Variants in ARSG observed in about 807,000 individuals in gnomAD.
ARSG encodes arylsulfatase G.
A neutral mutation model predicts 50.5 loss-of-function variants in ARSG; 37 were observed. That is an observed-to-expected ratio of 0.73 (90% CI 0.56 to 0.96). ARSG has a LOEUF of 0.96. Ranked by LOEUF, ARSG falls within the 50% of genes least tolerant of loss-of-function variation. The pLI, the probability that ARSG is intolerant of heterozygous loss-of-function variation, is 0.00. For missense variants in ARSG, 629 were observed against 675.3 expected (o/e 0.93, Z 0.76); for synonymous variants, 225 against 254.6 (o/e 0.88, Z 1.11).
chr17:68,288,767 A>G (rs1568421224), upstream of ARSG, among the ~76,000 whole-genome samples: 1 of 152,308 alleles, frequency 6.6e-6, no homozygotes, highest in East Asian at 1.9e-4. Flanking sequence ...GTCTTCTTAA[A>G]GCTCTTAGGC....
chr17:68,305,840 A>C (rs552730323), intron 1 of ARSG, among the ~76,000 whole-genome samples: 1 of 152,012 alleles, frequency 6.6e-6, no homozygotes, highest in Non-Finnish European at 1.5e-5. Context: ...TAAGGAGGCC[A>C]AGGCGGGCAG....
chr17:68,320,654 G>T (rs1210251668), intron 2 of ARSG, among the ~76,000 whole-genome samples: 3 of 152,154 alleles, frequency 2.0e-5, no homozygotes, highest in Non-Finnish European at 2.9e-5. Context: ...ATGTTTACAG[G>T]ATTGGACATG....
chr17:68,267,866 C>A (rs1207688013), intron 1 of ARSG: 3 of 152,154 alleles, frequency 2.0e-5, no homozygotes, highest in African/African-American at 7.2e-5. Context: ...ACTTGTAACT[C>A]GCTATAACAT....
chr17:68,411,805 C>T (rs1376061910), intron 11 of ARSG, among the ~76,000 whole-genome samples: 2 of 148,876 alleles, frequency 1.3e-5, no homozygotes, highest in Non-Finnish European at 3.0e-5. Context: ...AATCTGGGTG[C>T]TCCTGTATTG....
intron 11 of ARSG, among the ~76,000 whole-genome samples, chr17:68,410,169 A>G (rs2081935832): frequency 8.8e-6 from 1 of 113,680 alleles, no homozygotes; most frequent in African/African-American, 3.6e-5. Flanking sequence ...GTTGAATAGG[A>G]GTGGTGAGAG....
In ARSG at chr17:68,271,674, A is replaced by G. The variant is rs782661111; in HGVS notation, c.-552+12248A>G. 1 of 1,595,928 alleles carries G rather than the reference A, an allele frequency of 6.3e-7. No homozygotes were observed. Among genetic ancestry groups the G allele is most frequent in the Non-Finnish European group, 8.6e-7 (1 of 1,166,660 alleles). Reference sequence around the variant, plus strand: ...TGATTGCTTGAATAGGCAGGAGTGAAGAAGAAATAATATAAGGTCAATAAT... The same window carrying G: ...TGATTGCTTGAATAGGCAGGAGTGAGGAAGAAATAATATAAGGTCAATAAT... On this transcript the variant is annotated intron_variant, in intron 1 of 11. Coordinates refer to the ARSG transcript ENST00000448504. This position sits in a 1 kb window ranked among gnomAD's most constrained non-coding sequence, Gnocchi z 5.3.
At chr17:68,413,151 C>T (rs1208254270) in intron 11 of ARSG, among the ~76,000 whole-genome samples, 4 of 152,138 alleles carry the variant, frequency 2.6e-5, no homozygotes, top group African/African-American at 4.8e-5. Context: ...CAGCTTTGTT[C>T]CGTTGCTGGT....
the ARSG span, among the ~76,000 whole-genome samples, chr17:68,438,197 T>C: frequency 6.6e-6 from 1 of 152,098 alleles, no homozygotes; most frequent in Non-Finnish European, 1.5e-5. Context: ...CATGCATAGC[T>C]ACGGGAGGAA....
intron 3 of ARSG, chr17:68,346,922 G>C (rs747976739): frequency 1.3e-6 from 2 of 1,495,796 alleles, no homozygotes. Context: ...TGTGAGTCTG[G>C]GGTCATCCTT....
At chr17:68,294,154 C>T (rs540921284) in intron 1 of ARSG, among the ~76,000 whole-genome samples, 1 of 152,224 alleles carries the variant, frequency 6.6e-6, no homozygotes, top group South Asian at 2.1e-4. Context: ...CTGCCTGATC[C>T]CAAGTGGCAG....
intron 1 of ARSG, among the ~76,000 whole-genome samples, chr17:68,299,649 G>T (rs185178069): frequency 2.5e-3 from 382 of 152,236 alleles, no homozygotes; most frequent in Non-Finnish European, 4.4e-3. Context: ...ACAAATCTAT[G>T]CAGAGAAAGG....
chr17:68,332,620 C>A (rs2077826299), intron 2 of ARSG, among the ~76,000 whole-genome samples: 1 of 152,046 alleles, frequency 6.6e-6, no homozygotes, highest in Non-Finnish European at 1.5e-5. Context: ...TAATAAATGT[C>A]CATGAAATCA....
intron 11 of ARSG, among the ~76,000 whole-genome samples, chr17:68,403,177 T>G (rs1044696681): frequency 6.6e-6 from 1 of 152,230 alleles, no homozygotes; most frequent in Non-Finnish European, 1.5e-5. Flanking sequence ...ATTTGTTGTT[T>G]TCGGTTGAAA....
chr17:68,412,663 G>A (rs1414548413), intron 11 of ARSG, among the ~76,000 whole-genome samples: 1 of 152,000 alleles, frequency 6.6e-6, no homozygotes, highest in Non-Finnish European at 1.5e-5. Flanking sequence ...TCTGAATGTT[G>A]GCCTGCCTTG....
chr17:68,411,130 C>G (rs940414734), intron 11 of ARSG, among the ~76,000 whole-genome samples: 4 of 152,122 alleles, frequency 2.6e-5, no homozygotes, highest in African/African-American at 9.7e-5. Context: ...TCCTTCAGTT[C>G]TGCTCTGATT....
chr17:68,322,558 A>G (rs551501417), intron 2 of ARSG, among the ~76,000 whole-genome samples: 101 of 152,306 alleles, frequency 6.6e-4, no homozygotes, highest in African/African-American at 2.3e-3. Context: ...CGGAGGTTGC[A>G]GTGCGCCAAG....
At chr17:68,275,449 C>T (rs1488363623) in intron 1 of ARSG, among the ~76,000 whole-genome samples, 1 of 152,072 alleles carries the variant, frequency 6.6e-6, no homozygotes, top group Non-Finnish European at 1.5e-5. Flanking sequence ...TCATTTTGAG[C>T]CAGGATGTTG....
intron 2 of ARSG, among the ~76,000 whole-genome samples, chr17:68,335,553 CAA>C (rs397856679): frequency 8.8e-4 from 79 of 89,820 alleles, no homozygotes; most frequent in Admixed American, 1.8e-3. Flanking sequence ...GACTCCATCT[CAA>C]AAAAAAAAAA....
intron 6 of ARSG, among the ~76,000 whole-genome samples, chr17:68,366,739 A>G (rs1189166002): frequency 6.6e-6 from 1 of 151,966 alleles, no homozygotes; most frequent in Non-Finnish European, 1.5e-5. Flanking sequence ...ATACAGATAT[A>G]TATAATCATA....
Sources: gnomAD v4.1 joint callset for allele counts (sites outside exome capture counted in the v4.1 genomes callset) on GRCh38, gnomAD v4.1.1 for gene constraint, Gnocchi (gnomAD v3.1) non-coding constraint, MANE v1.5 for transcripts, NCBI Gene and HGNC (gene_info 2026-07-23, HGNC 2026-07-21) for gene names.